LRRTM4: variants seen among roughly 807,000 people sequenced by gnomAD.
LRRTM4 encodes leucine rich repeat transmembrane neuronal 4.
In LRRTM4, 25 loss-of-function variants were observed where a neutral mutation model predicts 47.6. The observed-to-expected ratio is 0.53, with a 90% CI of 0.38 to 0.73. LRRTM4 has a LOEUF of 0.73. Ranked by LOEUF, LRRTM4 falls within the 30% of genes least tolerant of loss-of-function variation. The probability of loss-of-function intolerance (pLI) is 0.00; values close to 1 mark genes in which losing one functional copy is unlikely to be tolerated. For missense variants in LRRTM4, 638 were observed against 713.4 expected, an observed-to-expected ratio of 0.89 and a Z score of 1.20; for synonymous variants, 311 against 269.5, an observed-to-expected ratio of 1.15 and a Z score of -1.51.
At chr2:77,486,442 A>C (rs1392097092) in intron 3 of LRRTM4, among the ~76,000 whole-genome samples, 2 of 152,182 alleles carry the variant, frequency 1.3e-5, no homozygotes, top group Non-Finnish European at 2.9e-5. Flanking sequence ...GTAATATAAG[A>C]AACTGTAATG....
intron 3 of LRRTM4, among the ~76,000 whole-genome samples, chr2:77,062,931 GTTC>G (rs150489938): frequency 0.13 from 19,844 of 147,776 alleles, 1,335 homozygotes; most frequent in Middle Eastern, 0.17. Context: ...AGTTCCTCTT[GTTC>G]TTTTTTAAAA....
intron 3 of LRRTM4, among the ~76,000 whole-genome samples, chr2:76,918,419 G>A (rs1411605103): frequency 1.3e-5 from 2 of 152,050 alleles, no homozygotes. Flanking sequence ...TATCCACTTG[G>A]ATTAAATTCT....
intron 3 of LRRTM4, among the ~76,000 whole-genome samples, chr2:76,812,264 A>C (rs1029059160): frequency 6.6e-6 from 1 of 152,140 alleles, no homozygotes; most frequent in African/African-American, 2.4e-5. Flanking sequence ...CTTAAACACC[A>C]CATAAACTTC....
intron 3 of LRRTM4, among the ~76,000 whole-genome samples, chr2:76,978,036 C>G (rs1438313205): frequency 1.3e-5 from 2 of 151,972 alleles, no homozygotes; most frequent in Non-Finnish European, 2.9e-5. Flanking sequence ...TATGGTCAAA[C>G]CCATGGCTAA....
chr2:77,047,437 T>C (rs1679271565), intron 3 of LRRTM4, among the ~76,000 whole-genome samples: 1 of 152,030 alleles, frequency 6.6e-6, no homozygotes, highest in Admixed American at 6.6e-5. Flanking sequence ...TCTAGGTTTC[T>C]GGAGTGTTGG....
chr2:76,902,320 CT>C (rs958766427), intron 3 of LRRTM4, among the ~76,000 whole-genome samples: 1 of 152,072 alleles, frequency 6.6e-6, no homozygotes, highest in Non-Finnish European at 1.5e-5. Flanking sequence ...TTTTATCTAT[CT>C]TTTTTTAAAA....
At chr2:77,475,984 T>A (rs1288689899) in intron 3 of LRRTM4, among the ~76,000 whole-genome samples, 1 of 152,058 alleles carries the variant, frequency 6.6e-6, no homozygotes, top group Non-Finnish European at 1.5e-5. Context: ...TTTCATTCTA[T>A]ACCTTATCTC....
intron 3 of LRRTM4, among the ~76,000 whole-genome samples, chr2:77,163,127 C>A (rs536892986): frequency 6.6e-6 from 1 of 152,092 alleles, no homozygotes; most frequent in East Asian, 1.9e-4. Context: ...ATAGAGAAGA[C>A]CTTAAATAAC....
intron 3 of LRRTM4, among the ~76,000 whole-genome samples, chr2:77,228,151 A>G (rs971303774): frequency 5.9e-5 from 9 of 152,166 alleles, no homozygotes; most frequent in Non-Finnish European, 1.3e-4. Context: ...ATTCAAATGT[A>G]TTAAATGTTT....
At chr2:77,448,282 C>A in intron 3 of LRRTM4, among the ~76,000 whole-genome samples, 1 of 152,084 alleles carries the variant, frequency 6.6e-6, no homozygotes, top group East Asian at 1.9e-4. Context: ...CTGCAGACAC[C>A]ATGAGATGAT....
At position 77,083,783 on chromosome 2, in the gene LRRTM4, C is replaced by CTTTTTTTTTTTTTTTTTTTTT. The variant is rs386390525; in HGVS notation, c.1552-334888_1552-334868dup. Among the ~76,000 whole-genome samples the CTTTTTTTTTTTTTTTTTTTTT allele has an allele frequency of 3.1e-4, 16 of 52,346 alleles. 5 individuals carry two copies. Among genetic ancestry groups the CTTTTTTTTTTTTTTTTTTTTT allele is most frequent in the Admixed American group, 1.1e-3 (4 of 3,794 alleles). The allele number at this position is 52,346 out of a possible 152,430, so 34.3% of individuals were successfully genotyped here. A position where few individuals can be genotyped will look rare whatever the true frequency, so the allele number is the denominator to read the frequency against. ...ACTTCTCAATTTTTAACTGGACACACTTTTTTTTTTTTTTTTTTTTTTTTT... is the reference window on the plus strand; with the variant it reads ...ACTTCTCAATTTTTAACTGGACACACTTTTTTTTTTTTTTTTTTTTTTTTTTTTTTTTTTTTTTTTTTTTTT... On this transcript the variant is annotated intron_variant, in intron 3 of 3. Transcript: ENST00000409884.
chr2:77,151,697 C>A (rs147466086), intron 3 of LRRTM4, among the ~76,000 whole-genome samples: 889 of 152,258 alleles, frequency 5.8e-3, no homozygotes, highest in Non-Finnish European at 8.4e-3. Context: ...GATTGCATTT[C>A]ATGTTCTTTT....
At chr2:76,783,563 G>A (rs908244659) in intron 3 of LRRTM4, among the ~76,000 whole-genome samples, 1 of 151,992 alleles carries the variant, frequency 6.6e-6, no homozygotes, top group African/African-American at 2.4e-5. Flanking sequence ...CTGGCCCATG[G>A]CAAACGCCTA....
intron 3 of LRRTM4, among the ~76,000 whole-genome samples, chr2:77,009,973 T>C (rs955306838): frequency 1.4e-5 from 2 of 147,328 alleles, no homozygotes; most frequent in Admixed American, 1.3e-4. Flanking sequence ...GGACCCTTTT[T>C]TTAAAAAAAA....
At chr2:77,411,618 A>ATTTTTTTTTTTT (rs1222177148) in intron 3 of LRRTM4, among the ~76,000 whole-genome samples, 31 of 64,792 alleles carry the variant, frequency 4.8e-4, no homozygotes, top group Admixed American at 7.0e-4. Context: ...ATGCCCGGCT[A>ATTTTTTTTTTTT]TTTTTTTTTT....
At chr2:76,946,535 G>T (rs1435754723) in intron 3 of LRRTM4, among the ~76,000 whole-genome samples, 1 of 151,826 alleles carries the variant, frequency 6.6e-6, no homozygotes, top group Non-Finnish European at 1.5e-5. Flanking sequence ...GGTGTTTAAA[G>T]ACAACTGAGA....
At chr2:76,922,202 G>C (rs755905588) in intron 3 of LRRTM4, among the ~76,000 whole-genome samples, 1 of 152,050 alleles carries the variant, frequency 6.6e-6, no homozygotes, top group African/African-American at 2.4e-5. Context: ...TTTTCACACT[G>C]TTATAAAGAA....
At chr2:77,413,936 G>T (rs1056559770) in intron 3 of LRRTM4, among the ~76,000 whole-genome samples, 5 of 151,934 alleles carry the variant, frequency 3.3e-5, no homozygotes, top group Admixed American at 1.3e-4. Flanking sequence ...TGTGTGGATA[G>T]CTGTGGTCCT....
chr2:77,029,146 G>C (rs1418217309), intron 3 of LRRTM4, among the ~76,000 whole-genome samples: 5 of 149,836 alleles, frequency 3.3e-5, no homozygotes, highest in African/African-American at 1.2e-4. Flanking sequence ...CTATGAGTTA[G>C]TAGACAAGTT....
Sources: gnomAD v4.1 joint callset for allele counts (sites outside exome capture counted in the v4.1 genomes callset) on GRCh38, gnomAD v4.1.1 for gene constraint, MANE v1.5 for transcripts, NCBI Gene and HGNC (gene_info 2026-07-23, HGNC 2026-07-21) for gene names.